CAB39L: variants seen among roughly 807,000 people sequenced by gnomAD.
The protein encoded by CAB39L is calcium-binding protein 39-like.
In CAB39L, 23 loss-of-function variants were observed where a neutral mutation model predicts 39.1. The ratio of observed to expected loss-of-function variants is 0.59; its 90% CI spans 0.42 to 0.83. CAB39L has a LOEUF of 0.83. CAB39L is among the 40% of genes least tolerant of loss of function. The pLI is 0.00. For synonymous variants in CAB39L, 126 were observed against 137.2 expected (o/e 0.92, Z 0.57); for missense variants, 366 against 391.9 (o/e 0.93, Z 0.56).
chr13:49,371,912 A>T (rs1955929394), intron 5 of CAB39L, among the ~76,000 whole-genome samples: 1 of 152,000 alleles, frequency 6.6e-6, no homozygotes, highest in African/African-American at 2.4e-5. Context: ...ATTTTTTTTA[A>T]TGTAGCGAGA....
chr13:49,410,054 C>T (rs968602689), intron 3 of CAB39L, among the ~76,000 whole-genome samples: 2 of 152,078 alleles, frequency 1.3e-5, no homozygotes, highest in Non-Finnish European at 2.9e-5. Flanking sequence ...TATAACAACG[C>T]TAAGTACATG....
intron 10 of CAB39L, among the ~76,000 whole-genome samples, chr13:49,319,138 G>A (rs1438286844): frequency 1.3e-5 from 2 of 152,086 alleles, no homozygotes; most frequent in African/African-American, 4.8e-5. Flanking sequence ...CAGCTACTCG[G>A]GAGGCTGAGG....
chr13:49,376,283 C>T (rs73186877), intron 5 of CAB39L, among the ~76,000 whole-genome samples: 144 of 152,324 alleles, frequency 9.5e-4, no homozygotes, highest in Non-Finnish European at 1.3e-3. Flanking sequence ...GGACTTCTGT[C>T]GCCTCAACAG....
At chr13:49,422,022 T>G (rs527716883) in intron 3 of CAB39L, among the ~76,000 whole-genome samples, 1 of 152,146 alleles carries the variant, frequency 6.6e-6, no homozygotes, top group South Asian at 2.1e-4. Context: ...AGGGATAACT[T>G]ATACCAAGAA....
At chr13:49,388,251 A>T (rs1367024004) in intron 3 of CAB39L, among the ~76,000 whole-genome samples, 1 of 152,236 alleles carries the variant, frequency 6.6e-6, no homozygotes, top group Non-Finnish European at 1.5e-5. Context: ...AAGGCATTAA[A>T]ACTGGAACAG....
chr13:49,416,027 A>G (rs1957079679), intron 3 of CAB39L, among the ~76,000 whole-genome samples: 1 of 152,144 alleles, frequency 6.6e-6, no homozygotes, highest in Admixed American at 6.5e-5. Flanking sequence ...GCTTTCTCTC[A>G]GAAAGAAGCT....
chr13:49,418,021 C>T (rs960246536), intron 3 of CAB39L, among the ~76,000 whole-genome samples: 3 of 152,008 alleles, frequency 2.0e-5, no homozygotes, highest in South Asian at 2.1e-4. Flanking sequence ...ACACAGCCAC[C>T]GTATGACCCA....
intron 7 of CAB39L, among the ~76,000 whole-genome samples, chr13:49,350,161 TAC>T (rs1955302277): frequency 1.3e-5 from 2 of 152,250 alleles, no homozygotes; most frequent in Admixed American, 6.5e-5. Context: ...TACGATTTCC[TAC>T]ATAGTGACAA....
At chr13:49,378,287 C>A (rs1956144756) in intron 4 of CAB39L, among the ~76,000 whole-genome samples, 1 of 85,564 alleles carries the variant, frequency 1.2e-5, no homozygotes, top group Admixed American at 9.5e-5. Flanking sequence ...CCCCGCCCGG[C>A]CAGCCGCCCC....
chr13:49,373,105 G>GA (rs1372318987), intron 5 of CAB39L, among the ~76,000 whole-genome samples: 3 of 152,174 alleles, frequency 2.0e-5, no homozygotes, highest in African/African-American at 7.2e-5. Context: ...CAGTCTTCCT[G>GA]ATCATCTTTC....
intron 6 of CAB39L, among the ~76,000 whole-genome samples, chr13:49,356,532 T>C (rs1230287306): frequency 1.3e-5 from 2 of 152,222 alleles, no homozygotes; most frequent in Non-Finnish European, 2.9e-5. Context: ...ATACCACATA[T>C]CCAGATAATT....
chr13:49,403,657 A>T (rs1201167543), intron 3 of CAB39L, among the ~76,000 whole-genome samples: 2 of 152,150 alleles, frequency 1.3e-5, no homozygotes, highest in Non-Finnish European at 2.9e-5. Context: ...TCTACATCAG[A>T]TTTCTAAGAA....
intron 9 of CAB39L, among the ~76,000 whole-genome samples, chr13:49,338,558 G>A (rs1173805779): frequency 6.6e-6 from 1 of 151,418 alleles, no homozygotes; most frequent in South Asian, 2.1e-4. Context: ...GCTAGATGAC[G>A]AGTTAGTGGG....
At chr13:49,374,135 C>T (rs1419983694) in intron 5 of CAB39L, among the ~76,000 whole-genome samples, 1 of 152,086 alleles carries the variant, frequency 6.6e-6, no homozygotes, top group South Asian at 2.1e-4. Context: ...AGAAGGATAA[C>T]GGCTGCATCT....
Position 49,444,036 on chromosome 13 carries a change from G to A in CAB39L, c.-296C>T, listed in dbSNP as rs758116602. On this transcript the variant is annotated 5_prime_UTR_variant, in exon 1 of 11. Coordinates refer to ENST00000409308, the MANE Select transcript of CAB39L (RefSeq NM_001079670.3). ...CCAGTGATGCCGGCCTCTCGACTAC[G>A]AGTAACTCCATTGGCTCAGCTACAG... is the stretch of plus-strand genomic sequence containing the variant. 1 of 456,352 alleles carries A rather than the reference G, an allele frequency of 2.2e-6. No individual in the cohort carries two copies. Among genetic ancestry groups the A allele is most frequent in the South Asian group, 1.5e-5 (1 of 64,542 alleles). 28.3% of individuals were successfully genotyped at this position (456,352 alleles called of 1,614,324 possible). A position where few individuals can be genotyped will look rare whatever the true frequency, so the allele number is the denominator to read the frequency against.
chr13:49,406,928 G>A (rs7338471), intron 3 of CAB39L, among the ~76,000 whole-genome samples: 2 of 152,052 alleles, frequency 1.3e-5, no homozygotes, highest in African/African-American at 4.8e-5. Context: ...AACTAATGAA[G>A]TGGTCAGCAT....
At chr13:49,432,096 C>T (rs1004638839) in intron 3 of CAB39L, among the ~76,000 whole-genome samples, 1 of 152,032 alleles carries the variant, frequency 6.6e-6, no homozygotes, top group Non-Finnish European at 1.5e-5. Context: ...TAGCCCCTTA[C>T]TCTTTATTTA....
intron 10 of CAB39L, 47 bp from the exon 11 acceptor site, chr13:49,311,040 C>A: frequency 6.4e-7 from 1 of 1,569,806 alleles, no homozygotes; most frequent in South Asian, 1.1e-5. Context: ...CCAGGGACCT[C>A]ACCCACGCTA....
At chr13:49,311,890 A>C (rs1954003227) in intron 10 of CAB39L, among the ~76,000 whole-genome samples, 1 of 152,142 alleles carries the variant, frequency 6.6e-6, no homozygotes, top group South Asian at 2.1e-4. Context: ...GGTTATTTTT[A>C]TGTATGTATT....
Sources: allele counts gnomAD v4.1 joint callset (sites outside exome capture counted in the v4.1 genomes callset), GRCh38; gene constraint gnomAD v4.1.1; transcripts MANE v1.5; gene names NCBI Gene and HGNC (gene_info 2026-07-23, HGNC 2026-07-21).